The following TENM1 variants were observed in gnomAD, a reference collection of about 807,000 sequenced individuals.
The protein encoded by TENM1 is teneurin-1.
A neutral mutation model predicts 174.8 loss-of-function variants in TENM1; 35 were observed. That is an observed-to-expected ratio of 0.20 (90% CI 0.15 to 0.27). TENM1 has a LOEUF of 0.27. Ranked by LOEUF, TENM1 falls within the 10% of genes least tolerant of loss-of-function variation. TENM1 has a pLI of 1.00. For missense variants in TENM1, 1,633 were observed against 2,130.1 expected, an observed-to-expected ratio of 0.77 and a Z score of 4.59; for synonymous variants, 781 against 798.7, an observed-to-expected ratio of 0.98 and a Z score of 0.37.
chrX:124,560,835 A>G (rs1161352801), intron 14 of TENM1, among the ~76,000 whole-genome samples: 1 of 111,669 alleles, frequency 9.0e-6, no homozygotes, highest in African/African-American at 3.3e-5. Context: ...ATTTTTTGTT[A>G]ATTTTATGTT....
At chrX:124,585,127 C>T (rs767191281) in intron 11 of TENM1, among the ~76,000 whole-genome samples, 54 of 110,448 alleles carry the variant, frequency 4.9e-4, no homozygotes, top group South Asian at 3.2e-3. Flanking sequence ...GACAGATCAA[C>T]GAGACAGAAA....
chrX:124,984,968 G>A, the TENM1 span, among the ~76,000 whole-genome samples: 1 of 112,045 alleles, frequency 8.9e-6, no homozygotes, highest in Non-Finnish European at 1.9e-5. Flanking sequence ...GGTATTTCTT[G>A]AATTTTCTTG....
intron 22 of TENM1, among the ~76,000 whole-genome samples, chrX:124,476,615 T>A (rs2046731688): frequency 9.0e-6 from 1 of 111,718 alleles, no homozygotes; most frequent in Admixed American, 9.5e-5. Flanking sequence ...AGTCACTGAT[T>A]AATTTCATCC....
chrX:124,944,544 A>T (rs1195034732), intron 1 of TENM1, among the ~76,000 whole-genome samples: 1 of 111,194 alleles, frequency 9.0e-6, no homozygotes, highest in Non-Finnish European at 1.9e-5. Context: ...ATAAGTATTG[A>T]TAACAATAAG....
intron 11 of TENM1, among the ~76,000 whole-genome samples, chrX:124,596,483 A>C (rs2049894052): frequency 8.9e-6 from 1 of 112,205 alleles, no homozygotes; most frequent in Admixed American, 9.4e-5. Context: ...GGAACTACAA[A>C]TTGAGAAAAG....
intron 3 of TENM1, among the ~76,000 whole-genome samples, chrX:124,838,340 T>C (rs2056431843): frequency 8.9e-6 from 1 of 112,325 alleles, no homozygotes; most frequent in Non-Finnish European, 1.9e-5. Flanking sequence ...TATCTGACTT[T>C]GCCTATTAAT....
chrX:124,450,570 T>C (rs988371826), intron 23 of TENM1, among the ~76,000 whole-genome samples: 1 of 111,652 alleles, frequency 9.0e-6, no homozygotes, highest in African/African-American at 3.3e-5. Context: ...AATGGACTAA[T>C]ATATTTACCT....
the TENM1 span, among the ~76,000 whole-genome samples, chrX:125,130,908 G>A: frequency 9.0e-6 from 1 of 111,119 alleles, no homozygotes; most frequent in Non-Finnish European, 1.9e-5. Flanking sequence ...AAAAAAGCAG[G>A]TAAAATATAA....
At chrX:124,820,328 G>GC (rs760086705) in intron 3 of TENM1, among the ~76,000 whole-genome samples, 9 of 110,353 alleles carry the variant, frequency 8.2e-5, no homozygotes, top group South Asian at 3.9e-4. Flanking sequence ...CCTCCCAGCC[G>GC]CCCCCCCACC....
chrX:124,929,785 A>G (rs1317898884), intron 1 of TENM1, among the ~76,000 whole-genome samples: 1 of 112,162 alleles, frequency 8.9e-6, no homozygotes, highest in African/African-American at 3.2e-5. Context: ...AATTTGTGGA[A>G]AAATTGGGCA....
chrX:124,834,680 C>T (rs1035909952), intron 3 of TENM1, among the ~76,000 whole-genome samples: 1 of 111,655 alleles, frequency 9.0e-6, no homozygotes, highest in Non-Finnish European at 1.9e-5. Context: ...AATTTTGCCT[C>T]AGCTTTTTCA....
chrX:124,657,589 TAGG>T (rs1295044801), intron 6 of TENM1, among the ~76,000 whole-genome samples: 1 of 112,038 alleles, frequency 8.9e-6, no homozygotes, highest in Non-Finnish European at 1.9e-5. Flanking sequence ...TCATATAAAA[TAGG>T]AGGTAAATAA....
the TENM1 span, among the ~76,000 whole-genome samples, chrX:125,144,741 AT>A: frequency 0.29 from 27,711 of 94,602 alleles, 3,225 homozygotes; most frequent in East Asian, 0.44. Flanking sequence ...GGTGCTCATA[AT>A]TTTTTTTTTT....
chrX:124,801,507 A>G (rs1338724648), intron 3 of TENM1, among the ~76,000 whole-genome samples: 1 of 111,733 alleles, frequency 8.9e-6, no homozygotes, highest in African/African-American at 3.3e-5. Flanking sequence ...TCTCCTGAAT[A>G]CAGCACACTG....
chrX:124,903,399 C>G (rs1050482432), intron 1 of TENM1, among the ~76,000 whole-genome samples: 1 of 110,701 alleles, frequency 9.0e-6, no homozygotes, highest in African/African-American at 3.3e-5. Context: ...AAAAATGGCT[C>G]AAATCAGAGG....
At chrX:124,932,866 C>T (rs16998137) in intron 1 of TENM1, among the ~76,000 whole-genome samples, 13,475 of 110,918 alleles carry the variant, frequency 0.12, 2,017 homozygotes, top group African/African-American at 0.42. Flanking sequence ...TAACCTTGCA[C>T]ATAATTCAAA....
intron 18 of TENM1, among the ~76,000 whole-genome samples, chrX:124,508,478 T>C (rs2047501580): frequency 8.9e-6 from 1 of 112,475 alleles, no homozygotes; most frequent in African/African-American, 3.2e-5. Context: ...ACATGATGTA[T>C]TATCCTTTCA....
intron 4 of TENM1, among the ~76,000 whole-genome samples, chrX:124,708,177 A>C (rs1304689649): frequency 1.8e-5 from 2 of 112,284 alleles, no homozygotes; most frequent in Non-Finnish European, 3.8e-5. Context: ...CAAATGCATA[A>C]ATTACTAACA....
chrX:124,671,656 A>C (rs2051923649), intron 6 of TENM1, 27 bp downstream of exon 9: 1 of 1,188,766 alleles, frequency 8.4e-7, no homozygotes, highest in Non-Finnish European at 1.1e-6. Flanking sequence ...AAAAGTAATC[A>C]ACAATCAATC....
Sources: gnomAD v4.1 joint callset for allele counts (sites outside exome capture counted in the v4.1 genomes callset) on GRCh38, gnomAD v4.1.1 for gene constraint, MANE v1.5 for transcripts, NCBI Gene and HGNC (gene_info 2026-07-23, HGNC 2026-07-21) for gene names.